TTC39C: variants seen among roughly 807,000 people sequenced by gnomAD.
The protein encoded by TTC39C is tetratricopeptide repeat protein 39C.
In TTC39C, 33 loss-of-function variants were observed where a neutral mutation model predicts 76.3. The ratio of observed to expected loss-of-function variants is 0.43; its 90% CI spans 0.33 to 0.58. The LOEUF (loss-of-function observed/expected upper bound fraction) is 0.58. Among genes scored for constraint, TTC39C ranks in the 20% least tolerant of loss-of-function variants. TTC39C has a pLI of 0.04. For missense variants in TTC39C, 595 were observed against 701.4 expected (o/e 0.85, Z 1.71); for synonymous variants, 254 against 260.6 (o/e 0.97, Z 0.24).
chr18:24,102,056 T>A (rs965638457), intron 6 of TTC39C, among the ~76,000 whole-genome samples: 3 of 152,158 alleles, frequency 2.0e-5, no homozygotes, highest in African/African-American at 7.2e-5. Flanking sequence ...AGGCAGTACC[T>A]CCCACTAGGA....
In TTC39C at chr18:24,019,231, A is replaced by C. The variant is rs369470309; in HGVS notation, c.167+4193A>C. Among the ~76,000 whole-genome samples, 100 of 152,274 alleles carry C rather than the reference A, an allele frequency of 6.6e-4. 2 individuals are homozygous for C. In the South Asian group the frequency reaches 0.02, roughly 30 times the overall value. On this transcript the variant is annotated intron_variant, in intron 1 of 13. Coordinates refer to ENST00000317571, the MANE Select transcript of TTC39C (RefSeq NM_001135993.2). ...GCCTCCCTCCTCCCCTCTTGAGGTTACCAGCCCATCTCCCGCTTTAACTCT... is the reference window on the plus strand; with the variant it reads ...GCCTCCCTCCTCCCCTCTTGAGGTTCCCAGCCCATCTCCCGCTTTAACTCT...
chr18:24,040,359 T>A (rs1162725812), intron 1 of TTC39C, among the ~76,000 whole-genome samples: 1 of 152,218 alleles, frequency 6.6e-6, no homozygotes, highest in Non-Finnish European at 1.5e-5. Context: ...TAAAATCATT[T>A]GTGAAGCAAT....
At chr18:24,062,166 A>G (rs2084109753) in intron 1 of TTC39C, among the ~76,000 whole-genome samples, 2 of 152,340 alleles carry the variant, frequency 1.3e-5, no homozygotes, top group South Asian at 4.1e-4. Flanking sequence ...ACCATGAATA[A>G]TTAATTGCCG....
intron 1 of TTC39C, among the ~76,000 whole-genome samples, chr18:24,015,793 C>T (rs1297101172): frequency 6.6e-6 from 1 of 152,158 alleles, no homozygotes; most frequent in African/African-American, 2.4e-5. Flanking sequence ...TTTTATTTGT[C>T]TTTTAAAAAA....
chr18:24,014,108 G>A (rs1303807181), upstream of TTC39C, among the ~76,000 whole-genome samples: 1 of 152,246 alleles, frequency 6.6e-6, no homozygotes, highest in African/African-American at 2.4e-5. Flanking sequence ...GGAGCTGCGG[G>A]GCAGGTGCCA....
At chr18:24,052,656 G>C (rs17203066) in intron 1 of TTC39C, among the ~76,000 whole-genome samples, 4 of 152,036 alleles carry the variant, frequency 2.6e-5, no homozygotes, top group African/African-American at 9.7e-5. Context: ...CGATGATCCC[G>C]AATTTTATTG....
intron 6 of TTC39C, among the ~76,000 whole-genome samples, chr18:24,092,092 CAA>C (rs74171390): frequency 0.045 from 3,022 of 67,340 alleles, 269 homozygotes; most frequent in African/African-American, 0.16. Context: ...GACTCAGTCT[CAA>C]AAAAAAAAAA....
At chr18:24,085,800 C>T (rs529822556) in intron 6 of TTC39C, among the ~76,000 whole-genome samples, 3 of 152,294 alleles carry the variant, frequency 2.0e-5, no homozygotes, top group Middle Eastern at 3.4e-3. Context: ...TGAGCTGTAG[C>T]TTTAGGGCCA....
At chr18:24,094,871 G>A (rs967421872) in intron 6 of TTC39C, among the ~76,000 whole-genome samples, 2 of 152,214 alleles carry the variant, frequency 1.3e-5, no homozygotes, top group African/African-American at 4.8e-5. Context: ...AAAATGTTAA[G>A]TGAGCATTGT....
At chr18:24,094,958 A>G (rs991656192) in intron 6 of TTC39C, among the ~76,000 whole-genome samples, 2 of 152,230 alleles carry the variant, frequency 1.3e-5, no homozygotes, top group Non-Finnish European at 2.9e-5. Flanking sequence ...GAAGCCAAAC[A>G]TGGACTTCTC....
intron 6 of TTC39C, among the ~76,000 whole-genome samples, chr18:24,086,682 A>G (rs75524182): frequency 0.015 from 2,349 of 152,096 alleles, 55 homozygotes; most frequent in East Asian, 0.11. Flanking sequence ...GCTTCTCCCC[A>G]CTGCGTGTCT....
At chr18:24,012,666 ACTGCTTCAGGGATCT>A (rs2083402308), upstream of TTC39C, among the ~76,000 whole-genome samples, 1 of 152,024 alleles carries the variant, frequency 6.6e-6, no homozygotes, top group Admixed American at 6.6e-5. Flanking sequence ...TATTGACTAG[ACTGCTTCAGGGATCT>A]GGGCAAATGG....
chr18:24,032,918 C>T (rs184289834), intron 1 of TTC39C, among the ~76,000 whole-genome samples: 1 of 152,342 alleles, frequency 6.6e-6, no homozygotes, highest in Admixed American at 6.5e-5. Flanking sequence ...CAATGGCTTT[C>T]GTTTTAACCA....
At chr18:24,034,754 A>G (rs573320401) in intron 1 of TTC39C, among the ~76,000 whole-genome samples, 2 of 152,356 alleles carry the variant, frequency 1.3e-5, no homozygotes, top group South Asian at 4.1e-4. Flanking sequence ...TGATTGGCTT[A>G]TTTCACTTAG....
intron 1 of TTC39C, among the ~76,000 whole-genome samples, chr18:24,049,050 C>G (rs969011339): frequency 2.0e-5 from 3 of 152,110 alleles, no homozygotes; most frequent in African/African-American, 7.2e-5. Context: ...TAAGAAGTGG[C>G]CTTTATAATG....
chr18:24,050,044 C>A (rs959967776), intron 1 of TTC39C, among the ~76,000 whole-genome samples: 10 of 152,156 alleles, frequency 6.6e-5, no homozygotes, highest in African/African-American at 2.4e-4. Flanking sequence ...TTCTCCCCTC[C>A]TTCTTCCCAG....
intron 1 of TTC39C, among the ~76,000 whole-genome samples, chr18:24,034,645 TC>T (rs34121182): frequency 0.7 from 106,977 of 152,038 alleles, 38,557 homozygotes; most frequent in Non-Finnish European, 0.79. Flanking sequence ...TTCCCATTTC[TC>T]CCTAGCCCCA....
At chr18:24,060,480 G>A (rs752662046) in intron 1 of TTC39C, among the ~76,000 whole-genome samples, 5 of 152,032 alleles carry the variant, frequency 3.3e-5, no homozygotes, top group Non-Finnish European at 7.4e-5. Context: ...GCTAATTTTT[G>A]TATTTTTAGT....
intron 10 of TTC39C, among the ~76,000 whole-genome samples, chr18:24,127,714 C>A (rs2085068291): frequency 6.6e-6 from 1 of 152,096 alleles, no homozygotes; most frequent in Non-Finnish European, 1.5e-5. Flanking sequence ...TGGGGTCTTG[C>A]CATGTTGCCT....
Sources: allele counts gnomAD v4.1 joint callset (sites outside exome capture counted in the v4.1 genomes callset), GRCh38; gene constraint gnomAD v4.1.1; transcripts MANE v1.5; gene names NCBI Gene and HGNC (gene_info 2026-07-23, HGNC 2026-07-21).